The following EBF2 variants were observed in gnomAD, a reference collection of about 807,000 sequenced individuals.
EBF2 encodes transcription factor COE2.
Under a neutral mutation model 72.8 loss-of-function variants are expected in EBF2, and 21 were observed. That is an observed-to-expected ratio of 0.29 (90% CI 0.20 to 0.42). The LOEUF (loss-of-function observed/expected upper bound fraction) is 0.42, where lower values mean the gene tolerates loss of function less well. Ranked by LOEUF, EBF2 falls within the 10% of genes least tolerant of loss-of-function variation. The pLI is 1.00. For missense variants in EBF2, 637 were observed against 731.2 expected (o/e 0.87, Z 1.49); for synonymous variants, 299 against 274.2 (o/e 1.09, Z -0.89).
rs1347842111 is a variant in EBF2 at position 25,842,717 on chromosome 8, A to G, written c.*1892T>C. ...GGATTCTCATGTGCATAGAAATAAT[A>G]TAAGTCATACTGGGTAATTCCAGAA... On this transcript the variant is annotated 3_prime_UTR_variant, in exon 16 of 16. Transcript: ENST00000520164. 1.3e-5 allele frequency: 2 copies of G among 152,176 alleles called. No individual in the cohort carries two copies. The highest frequency in any genetic ancestry group is 2.4e-5 in the African/African-American group (1 of 41,436). The allele number at this position is 152,176 out of a possible 1,614,324, so 9.4% of individuals were successfully genotyped here. A position where few individuals can be genotyped will look rare whatever the true frequency, so the allele number is the denominator to read the frequency against.
At chr8:25,911,374 C>G (rs146383324) in intron 6 of EBF2, among the ~76,000 whole-genome samples, 13 of 152,264 alleles carry the variant, frequency 8.5e-5, no homozygotes, top group African/African-American at 2.6e-4. Context: ...TCCTTAAGAG[C>G]GAACACTAAC....
intron 6 of EBF2, among the ~76,000 whole-genome samples, chr8:26,014,676 G>T (rs1388571371): frequency 6.6e-6 from 1 of 152,168 alleles, no homozygotes. Flanking sequence ...CATAGAAAAT[G>T]CCTGCAGTAC....
intron 15 of EBF2, among the ~76,000 whole-genome samples, chr8:25,847,725 T>TGGTGA (rs1489629412): frequency 1.3e-5 from 2 of 152,166 alleles, no homozygotes; most frequent in Non-Finnish European, 2.9e-5. Context: ...AGCACAGGAC[T>TGGTGA]GGTGACATCA....
At chr8:25,957,456 G>T (rs780067072) in intron 6 of EBF2, among the ~76,000 whole-genome samples, 10 of 152,058 alleles carry the variant, frequency 6.6e-5, no homozygotes, top group Non-Finnish European at 1.5e-4. Context: ...CCCCTCCCCC[G>T]CAGGCCACCT....
chr8:25,857,545 T>C (rs1259209619), intron 14 of EBF2, among the ~76,000 whole-genome samples: 2 of 152,302 alleles, frequency 1.3e-5, no homozygotes, highest in South Asian at 2.1e-4. Context: ...GCTTGTCCCC[T>C]GGCCTAAAAT....
At chr8:25,865,300 T>G (rs1802290274) in intron 10 of EBF2, among the ~76,000 whole-genome samples, 1 of 152,096 alleles carries the variant, frequency 6.6e-6, no homozygotes, top group Admixed American at 6.5e-5. Flanking sequence ...ACCATTTTAA[T>G]TTTTTGGTAT....
intron 1 of EBF2, among the ~76,000 whole-genome samples, chr8:26,042,649 T>C (rs956170990): frequency 2.0e-5 from 3 of 152,136 alleles, no homozygotes; most frequent in African/African-American, 7.2e-5. Context: ...TACTGCTGGG[T>C]GTATCAGGAT....
At chr8:25,877,484 C>A (rs1032797072) in intron 10 of EBF2, among the ~76,000 whole-genome samples, 1 of 152,188 alleles carries the variant, frequency 6.6e-6, no homozygotes, top group Admixed American at 6.5e-5. Flanking sequence ...AATTGACCTG[C>A]AAAGTCACAT....
At chr8:25,981,959 AT>A (rs965488136) in intron 6 of EBF2, among the ~76,000 whole-genome samples, 1 of 152,130 alleles carries the variant, frequency 6.6e-6, no homozygotes, top group African/African-American at 2.4e-5. Context: ...ATAGAATAAA[AT>A]TTTTTGCAAA....
chr8:26,009,647 G>A (rs992352855), intron 6 of EBF2, among the ~76,000 whole-genome samples: 1 of 152,100 alleles, frequency 6.6e-6, no homozygotes, highest in African/African-American at 2.4e-5. Flanking sequence ...CTTGGCAAAC[G>A]GCATCCGTGT....
rs562520283 is a variant in EBF2 at position 25,936,632 on chromosome 8, T to C, written c.552-28077A>G. 5.5e-4 allele frequency among the ~76,000 whole-genome samples: 84 copies of C among 152,198 alleles called. 1 individual carries two copies. Among genetic ancestry groups the C allele is most frequent in the Admixed American group, 1.0e-3 (16 of 15,270 alleles). ...TGCCAACAACAATAGCAGTTTAAAT[T>C]TTATTATAGAACTAGATCTCTGTTC... On this transcript the variant is annotated intron_variant, in intron 6 of 15. Coordinates refer to ENST00000520164, the MANE Select transcript of EBF2 (RefSeq NM_022659.4).
At chr8:25,890,941 G>A (rs1446314891) in intron 7 of EBF2, among the ~76,000 whole-genome samples, 2 of 152,214 alleles carry the variant, frequency 1.3e-5, no homozygotes, top group East Asian at 3.9e-4. Flanking sequence ...ACTGGGATGA[G>A]TTTGCGTCCT....
At chr8:25,911,151 TC>T (rs988123200) in intron 6 of EBF2, among the ~76,000 whole-genome samples, 1 of 151,988 alleles carries the variant, frequency 6.6e-6, no homozygotes, top group African/African-American at 2.4e-5. Context: ...TCTCTCCAAA[TC>T]CCCTGGGTCT....
In EBF2 at chr8:25,942,154, A is replaced by C. The variant is rs868452810; in HGVS notation, c.552-33599T>G. Among the ~76,000 whole-genome samples, 67 of 152,330 alleles carry C rather than the reference A, an allele frequency of 4.4e-4. No homozygotes were observed. In the Middle Eastern group the frequency reaches 0.01, roughly 23 times the overall value. On this transcript the variant is annotated intron_variant, in intron 6 of 15. Transcript: ENST00000520164. Reference sequence around the variant, plus strand: ...ACCGGAAACACGCAGGGGGAAGCACAAGCCCCATCTGGGAACATGCAATGG... The same window carrying C: ...ACCGGAAACACGCAGGGGGAAGCACCAGCCCCATCTGGGAACATGCAATGG...
chr8:26,018,496 C>CAAAAAAAAAA (rs10555042), intron 6 of EBF2, among the ~76,000 whole-genome samples: 20 of 81,610 alleles, frequency 2.5e-4, no homozygotes, highest in African/African-American at 4.0e-4. Flanking sequence ...ACTAAAAATA[C>CAAAAAAAAAA]AAAAAAAAAA....
At chr8:25,977,972 A>T in intron 6 of EBF2, among the ~76,000 whole-genome samples, 1 of 151,382 alleles carries the variant, frequency 6.6e-6, no homozygotes, top group Non-Finnish European at 1.5e-5. Flanking sequence ...CTTTACTGCA[A>T]TTTTTTTTTC....
chr8:25,847,339 A>C (rs1023074481), intron 15 of EBF2, among the ~76,000 whole-genome samples: 8 of 152,164 alleles, frequency 5.3e-5, no homozygotes, highest in African/African-American at 1.9e-4. Context: ...CTCCCTGTCC[A>C]GCTGGTGTCT....
Position 25,842,082 on chromosome 8 carries a change from A to C in EBF2, c.*2527T>G, listed in dbSNP as rs753394579. 2.0e-5 allele frequency: 3 copies of C among 152,190 alleles called. No individual in the cohort carries two copies. The highest frequency in any genetic ancestry group is 4.4e-5 in the Non-Finnish European group (3 of 68,038). 9.4% of individuals were successfully genotyped at this position (152,190 alleles called of 1,614,324 possible). On this transcript the variant is annotated 3_prime_UTR_variant, in exon 16 of 16. Transcript: ENST00000520164. ...ATGAAGTAAATTGTCCCTTTAAATG[A>C]AAAAAATCTTACACAGCTCCTCTTA... is the stretch of plus-strand genomic sequence containing the variant.
rs71868613 is a variant in EBF2 at position 25,895,923 on chromosome 8, A to ATGTG, written c.634-6058_634-6055dup. Among the ~76,000 whole-genome samples the ATGTG allele has an allele frequency of 2.2e-3, 325 of 149,720 alleles. 5 individuals are homozygous for ATGTG. Among genetic ancestry groups the ATGTG allele is most frequent in the East Asian group, 0.015 (78 of 5,044 alleles). On this transcript the variant is annotated intron_variant, in intron 7 of 15. Coordinates refer to ENST00000520164, the MANE Select transcript of EBF2 (RefSeq NM_022659.4). ...TGGCTTTTTGGAACACCGTGTGTGT[A>ATGTG]TGTGTGTGTGTGTGTGTGTGTGTGT...
Sources: gnomAD v4.1 joint callset for allele counts (sites outside exome capture counted in the v4.1 genomes callset) on GRCh38, gnomAD v4.1.1 for gene constraint, MANE v1.5 for transcripts, NCBI Gene and HGNC (gene_info 2026-07-23, HGNC 2026-07-21) for gene names.